Variants in ME3 observed in about 807,000 individuals in gnomAD.
ME3 encodes the protein NADP-dependent malic enzyme, mitochondrial.
A neutral mutation model predicts 68.9 loss-of-function variants in ME3; 48 were observed. That is an observed-to-expected ratio of 0.70 (90% CI 0.55 to 0.89). The LOEUF (loss-of-function observed/expected upper bound fraction) is 0.89. ME3 is among the 40% of genes least tolerant of loss of function. The pLI is 0.00. For synonymous variants in ME3, 320 were observed against 318.8 expected (o/e 1.00, Z -0.04); for missense variants, 675 against 797.4 (o/e 0.85, Z 1.85).
At chr11:86,645,230 A>G (rs1040035925) in intron 2 of ME3, among the ~76,000 whole-genome samples, 1 of 152,122 alleles carries the variant, frequency 6.6e-6, no homozygotes, top group African/African-American at 2.4e-5. Flanking sequence ...ACTCCCCTGG[A>G]AAGGGGGCTG....
intron 2 of ME3, among the ~76,000 whole-genome samples, chr11:86,571,289 A>G (rs1169149610): frequency 1.3e-5 from 2 of 152,242 alleles, no homozygotes; most frequent in East Asian, 1.9e-4. Context: ...AAAAAGTATT[A>G]AGTGTCTTCT....
At position 86,498,032 on chromosome 11, in the gene ME3, G is replaced by T; in HGVS notation, c.636C>A (p.Tyr212Ter). 6.2e-7 allele frequency: 1 copy of T among 1,613,706 alleles called. No individual in the cohort carries two copies. Among genetic ancestry groups the T allele is most frequent in the Non-Finnish European group, 8.5e-7 (1 of 1,179,816 alleles). ...GCGGGTTCACCCCTCCGCATGCCGT[G>T]TACAGGGCCAGCTTGCCCACAGGGA... The change falls in exon 6 of 15, where the codon TAC becomes TAA. Residue 212 changes from tyrosine (Y) to a stop codon, truncating the protein, a stop_gained. Transcript: ENST00000543262. LOFTEE classifies it high-confidence loss of function.
At chr11:86,470,126 C>T (rs1950704413) in intron 7 of ME3, among the ~76,000 whole-genome samples, 1 of 152,168 alleles carries the variant, frequency 6.6e-6, no homozygotes, top group Admixed American at 6.5e-5. Context: ...CCTAGTTTCT[C>T]TTTTCCATAG....
At chr11:86,446,359 G>T (rs577558044) in exon 13 of ME3, 1 of 1,614,056 alleles carries the variant, frequency 6.2e-7, no homozygotes, top group African/African-American at 1.3e-5. Flanking sequence ...GCCGGATCCC[G>T]CCGGCGATGA....
chr11:86,573,924 A>G (rs1296246892), intron 2 of ME3, among the ~76,000 whole-genome samples: 1 of 152,096 alleles, frequency 6.6e-6, no homozygotes, highest in East Asian at 1.9e-4. Flanking sequence ...TTTATGTGAT[A>G]TGTTGCGTTT....
At chr11:86,540,143 G>C (rs1955946950) in intron 4 of ME3, among the ~76,000 whole-genome samples, 1 of 152,220 alleles carries the variant, frequency 6.6e-6, no homozygotes, top group African/African-American at 2.4e-5. Context: ...GTCCCATCCT[G>C]TGGAACACAG....
chr11:86,615,934 A>G (rs1942927631), intron 2 of ME3, among the ~76,000 whole-genome samples: 1 of 152,234 alleles, frequency 6.6e-6, no homozygotes, highest in Non-Finnish European at 1.5e-5. Context: ...ACTCATAAAC[A>G]TCCTAATTGC....
At chr11:86,615,059 A>G (rs1020997544) in intron 2 of ME3, among the ~76,000 whole-genome samples, 1 of 152,214 alleles carries the variant, frequency 6.6e-6, no homozygotes, top group Non-Finnish European at 1.5e-5. Context: ...TGAAAAACCA[A>G]GAGCTATAGC....
chr11:86,604,169 G>T (rs1961247824), intron 2 of ME3, among the ~76,000 whole-genome samples: 1 of 151,906 alleles, frequency 6.6e-6, no homozygotes, highest in East Asian at 1.9e-4. Context: ...AAGTTGTAGA[G>T]ACCAAAGTTT....
chr11:86,552,061 G>T (rs908764281), intron 4 of ME3, among the ~76,000 whole-genome samples: 1 of 152,224 alleles, frequency 6.6e-6, no homozygotes, highest in South Asian at 2.1e-4. Context: ...CTTGGGTGGG[G>T]TGACTGAGTA....
intron 10 of ME3, among the ~76,000 whole-genome samples, chr11:86,449,230 T>C (rs902529103): frequency 2.6e-5 from 4 of 152,260 alleles, no homozygotes; most frequent in African/African-American, 9.6e-5. Context: ...GCACTGAGTG[T>C]AGCTCTAATG....
intron 6 of ME3, among the ~76,000 whole-genome samples, chr11:86,491,870 A>G (rs1286025572): frequency 6.6e-6 from 1 of 152,246 alleles, no homozygotes; most frequent in African/African-American, 2.4e-5. Context: ...ATGCTAAAAA[A>G]TGTTGAATTG....
chr11:86,649,550 TA>T (rs1471731558), intron 2 of ME3, among the ~76,000 whole-genome samples: 1 of 152,216 alleles, frequency 6.6e-6, no homozygotes, highest in Non-Finnish European at 1.5e-5. Context: ...GACATGATTG[TA>T]TATTTAGAAA....
chr11:86,601,678 G>T (rs1477064470), intron 2 of ME3, among the ~76,000 whole-genome samples: 1 of 151,856 alleles, frequency 6.6e-6, no homozygotes, highest in Non-Finnish European at 1.5e-5. Flanking sequence ...CGATATCCTT[G>T]ATGAACATTG....
chr11:86,546,961 G>A (rs11234687), intron 4 of ME3, among the ~76,000 whole-genome samples: 10,914 of 151,996 alleles, frequency 0.072, 470 homozygotes, highest in Non-Finnish European at 0.1. Flanking sequence ...TGTAGCGGCC[G>A]GGCACAGTGG....
At chr11:86,646,066 C>A (rs1038003992) in intron 2 of ME3, among the ~76,000 whole-genome samples, 3 of 152,088 alleles carry the variant, frequency 2.0e-5, no homozygotes, top group Non-Finnish European at 2.9e-5. Context: ...AATCAAAGAC[C>A]AAAGGTAGAC....
rs533497938 is a variant in ME3 at position 86,597,317 on chromosome 11, A to G, written c.184-37494T>C. Among the ~76,000 whole-genome samples, 214 of 152,350 alleles carry G rather than the reference A, an allele frequency of 1.4e-3. 1 individual carries two copies. The highest frequency in any genetic ancestry group is 2.7e-3 in the South Asian group (13 of 4,822). ...CTTCTGGCCCAGAGTTCCTTACAGTATCCCCGAGCAATGTGATAGAGACAG... is the reference window on the plus strand; with the variant it reads ...CTTCTGGCCCAGAGTTCCTTACAGTGTCCCCGAGCAATGTGATAGAGACAG... On this transcript the variant is annotated intron_variant, in intron 2 of 14. Transcript: ENST00000543262.
At position 86,658,916 on chromosome 11, in the gene ME3, T is replaced by C. The variant is rs975340787; in HGVS notation, c.183+12846A>G. Among the ~76,000 whole-genome samples, 13 of 152,232 alleles carry C rather than the reference T, an allele frequency of 8.5e-5. 1 individual carries two copies. The highest frequency in any genetic ancestry group is 6.5e-4 in the Admixed American group (10 of 15,292). ...TCTCTACACCAACCATCTCTACTCC[T>C]GTTTCATCAACAGCAACTGCATTGC... On this transcript the variant is annotated intron_variant, in intron 2 of 14. Coordinates refer to ENST00000543262, the Ensembl canonical transcript of ME3.
intron 2 of ME3, among the ~76,000 whole-genome samples, chr11:86,605,221 C>A (rs2135150968): frequency 6.6e-6 from 1 of 152,314 alleles, no homozygotes; most frequent in South Asian, 2.1e-4. Flanking sequence ...ATTGTATATA[C>A]ATACTGCAAA....
Sources: gnomAD v4.1 joint callset for allele counts (sites outside exome capture counted in the v4.1 genomes callset) on GRCh38, gnomAD v4.1.1 for gene constraint, MANE v1.5 for transcripts, NCBI Gene and HGNC (gene_info 2026-07-23, HGNC 2026-07-21) for gene names.